ERC2: variants seen among roughly 807,000 people sequenced by gnomAD.
ERC2 encodes the protein ERC protein 2.
ERC2 carries 42 observed loss-of-function variants against 114.8 expected under a neutral mutation model. That is an observed-to-expected ratio of 0.37 (90% CI 0.29 to 0.47). ERC2 has a LOEUF of 0.47. Ranked by LOEUF, ERC2 falls within the 20% of genes least tolerant of loss-of-function variation. The pLI is 0.99. For synonymous variants in ERC2, 454 were observed against 425.5 expected, an observed-to-expected ratio of 1.07 and a Z score of -0.82; for missense variants, 939 against 1,150.7, an observed-to-expected ratio of 0.82 and a Z score of 2.66.
chr3:55,957,927 C>T (rs903401636), intron 12 of ERC2, among the ~76,000 whole-genome samples: 12 of 152,184 alleles, frequency 7.9e-5, no homozygotes, highest in South Asian at 2.1e-4. Flanking sequence ...CCCAAAGAGC[C>T]GCAGCTGTTC....
At chr3:56,157,339 T>A (rs951934318) in intron 4 of ERC2, among the ~76,000 whole-genome samples, 6 of 151,872 alleles carry the variant, frequency 4.0e-5, no homozygotes, top group Admixed American at 3.3e-4. Context: ...GAGGAAAAAA[T>A]TTTCAGCAAC....
At chr3:55,764,963 C>T (rs1397581965) in intron 14 of ERC2, among the ~76,000 whole-genome samples, 2 of 152,090 alleles carry the variant, frequency 1.3e-5, no homozygotes, top group African/African-American at 4.8e-5. Flanking sequence ...TTTCAGCTGC[C>T]AAATTATACA....
At chr3:55,838,305 T>A (rs931172069) in intron 14 of ERC2, among the ~76,000 whole-genome samples, 1 of 152,036 alleles carries the variant, frequency 6.6e-6, no homozygotes, top group Admixed American at 6.6e-5. Flanking sequence ...AAATTCTGTG[T>A]CATAGAGCAA....
At chr3:55,562,944 G>A (rs780009813) in intron 17 of ERC2, among the ~76,000 whole-genome samples, 1 of 152,128 alleles carries the variant, frequency 6.6e-6, no homozygotes, top group African/African-American at 2.4e-5. Flanking sequence ...GCCATCCACT[G>A]TAGTCCAGTT....
At chr3:55,651,014 A>AT (rs71096493) in intron 17 of ERC2, among the ~76,000 whole-genome samples, 24,241 of 96,400 alleles carry the variant, frequency 0.25, 2,892 homozygotes, top group African/African-American at 0.29. Flanking sequence ...CACCCAGCTA[A>AT]TTTTTTTTTT....
rs548161256 is a variant in ERC2 at position 55,863,314 on chromosome 3, C to T, written c.2564+25075G>A. 5.3e-5 allele frequency among the ~76,000 whole-genome samples: 8 copies of T among 152,006 alleles called. No homozygotes were observed. The East Asian group carries it at 5.8e-4, about 11-fold the overall frequency. ...ATCTTGAATATCTCTGCTTGCTCGA[C>T]GCCAGGGCCTCAATATTTTGATAAA... On this transcript the variant is annotated intron_variant, in intron 14 of 17. Transcript: ENST00000288221.
intron 2 of ERC2, among the ~76,000 whole-genome samples, chr3:56,384,389 A>G (rs547325291): frequency 3.9e-5 from 6 of 152,302 alleles, no homozygotes; most frequent in East Asian, 1.9e-4. Flanking sequence ...TGTAATAGCC[A>G]TCTTAATGGG....
chr3:56,203,341 G>T (rs1008546059), intron 3 of ERC2, among the ~76,000 whole-genome samples: 3 of 151,976 alleles, frequency 2.0e-5, no homozygotes, highest in Non-Finnish European at 2.9e-5. Flanking sequence ...CGGATTTTTC[G>T]TCCACTTTTG....
At chr3:55,568,148 T>C (rs2107511099) in intron 17 of ERC2, among the ~76,000 whole-genome samples, 1 of 152,362 alleles carries the variant, frequency 6.6e-6, no homozygotes, top group South Asian at 2.1e-4. Flanking sequence ...GCCAAGTACA[T>C]TTCATAATGG....
intron 13 of ERC2, among the ~76,000 whole-genome samples, chr3:55,901,381 G>A (rs2064129110): frequency 6.6e-6 from 1 of 152,146 alleles, no homozygotes; most frequent in Admixed American, 6.5e-5. Context: ...TTGGCAGGCT[G>A]CTTTCTCATC....
chr3:56,316,456 G>T (rs1340040328), intron 2 of ERC2, among the ~76,000 whole-genome samples: 1 of 152,122 alleles, frequency 6.6e-6, no homozygotes, highest in Non-Finnish European at 1.5e-5. Context: ...TGGGAGACTA[G>T]TTAAGAACCT....
intron 12 of ERC2, among the ~76,000 whole-genome samples, chr3:55,968,095 T>A (rs1032945458): frequency 4.6e-5 from 7 of 152,206 alleles, no homozygotes; most frequent in Non-Finnish European, 1.5e-5. Context: ...AACTCAAATC[T>A]GCTTTCCTTA....
rs1559800468 is a variant in ERC2 at position 55,875,689 on chromosome 3, T to TTC, written c.2564+12698_2564+12699dup. Among the ~76,000 whole-genome samples the TTC allele has an allele frequency of 4.6e-3, 590 of 128,290 alleles. 6 individuals carry two copies. Among genetic ancestry groups the TTC allele is most frequent in the African/African-American group, 0.017 (550 of 31,440 alleles). 84.2% of individuals were successfully genotyped at this position (128,290 alleles called of 152,430 possible). On this transcript the variant is annotated intron_variant, in intron 14 of 17. Coordinates refer to ENST00000288221, the MANE Select transcript of ERC2 (RefSeq NM_015576.3). Reference sequence around the variant, plus strand: ...CCCTCTTTTTCTGCCCCTAAACTCATTCACACACACACACACACACACACA... The same window carrying TTC: ...CCCTCTTTTTCTGCCCCTAAACTCATTCTCACACACACACACACACACACACA...
chr3:56,227,068 TAA>T (rs1229181793), intron 3 of ERC2, among the ~76,000 whole-genome samples: 1 of 152,120 alleles, frequency 6.6e-6, no homozygotes, highest in African/African-American at 2.4e-5. Flanking sequence ...CAGCTCTCCC[TAA>T]TCATTCCCCC....
chr3:55,873,650 T>C (rs193237149), intron 14 of ERC2, among the ~76,000 whole-genome samples: 149 of 152,346 alleles, frequency 9.8e-4, no homozygotes, highest in Middle Eastern at 6.8e-3. Context: ...AGTTTTCCCC[T>C]TTGATCTCTA....
intron 15 of ERC2, among the ~76,000 whole-genome samples, chr3:55,734,112 A>C (rs2065472986): frequency 6.6e-6 from 1 of 152,204 alleles, no homozygotes; most frequent in Non-Finnish European, 1.5e-5. Context: ...TTTTCTGCAC[A>C]AGTTAGAACT....
chr3:55,718,906 G>C (rs989714711), intron 15 of ERC2, among the ~76,000 whole-genome samples: 2 of 152,184 alleles, frequency 1.3e-5, no homozygotes, highest in South Asian at 4.1e-4. Context: ...GCTAAAGCCT[G>C]ATTCTTTCTT....
chr3:56,389,118 G>A (rs11707219), intron 2 of ERC2, among the ~76,000 whole-genome samples: 50,991 of 151,942 alleles, frequency 0.34, 8,753 homozygotes, highest in African/African-American at 0.38. Context: ...ATACATTGTA[G>A]ATAAATGGGA....
intron 14 of ERC2, among the ~76,000 whole-genome samples, chr3:55,737,110 C>A (rs1375255731): frequency 6.6e-6 from 1 of 152,164 alleles, no homozygotes; most frequent in Non-Finnish European, 1.5e-5. Flanking sequence ...CATCACCAGA[C>A]CAGGCCCTCT....
Sources: gnomAD v4.1 joint callset for allele counts (sites outside exome capture counted in the v4.1 genomes callset) on GRCh38, gnomAD v4.1.1 for gene constraint, MANE v1.5 for transcripts, NCBI Gene and HGNC (gene_info 2026-07-23, HGNC 2026-07-21) for gene names.